Variants in PARD3B observed in about 807,000 individuals in gnomAD.
The protein encoded by PARD3B is par-3 family cell polarity regulator beta.
A neutral mutation model predicts 130.2 loss-of-function variants in PARD3B; 103 were observed. The observed-to-expected ratio is 0.79, with a 90% CI of 0.67 to 0.93. The LOEUF (loss-of-function observed/expected upper bound fraction) is 0.93. Among genes scored for constraint, PARD3B ranks in the 40% least tolerant of loss-of-function variants. The pLI is 0.00. For missense variants in PARD3B, 1,609 were observed against 1,499.2 expected (o/e 1.07, Z -1.21); for synonymous variants, 583 against 553.2 (o/e 1.05, Z -0.76).
At chr2:205,599,736 A>C (rs1438786781) in intron 22 of PARD3B, among the ~76,000 whole-genome samples, 1 of 152,180 alleles carries the variant, frequency 6.6e-6, no homozygotes, top group African/African-American at 2.4e-5. Context: ...TTCAGGTTCC[A>C]GTCACGTATG....
At chr2:205,259,595 C>A (rs2040223865) in intron 16 of PARD3B, among the ~76,000 whole-genome samples, 1 of 152,084 alleles carries the variant, frequency 6.6e-6, no homozygotes, top group Admixed American at 6.6e-5. Flanking sequence ...GGCTTTATAT[C>A]AATGTTTTTT....
chr2:204,679,471 A>G (rs971943877), intron 1 of PARD3B, among the ~76,000 whole-genome samples: 2 of 152,146 alleles, frequency 1.3e-5, no homozygotes, highest in African/African-American at 4.8e-5. Flanking sequence ...GTTGCTTTGT[A>G]TTCTCACAAT....
At position 205,253,464 on chromosome 2, in the gene PARD3B, G is replaced by A; in HGVS notation, c.2185+7642G>A. ...GCCAGTATGGATCACCTTGTGGATG[G>A]ATGCAAAGAGACCAAACTTGGCGGG... On this transcript the variant is annotated intron_variant, in intron 16 of 22. Transcript: ENST00000406610. This position sits in a 1 kb window ranked among gnomAD's most constrained non-coding sequence, Gnocchi z 4.4. 3.6e-6 allele frequency: 2 copies of A among 560,836 alleles called. No individual in the cohort carries two copies. The allele number at this position is 560,836 out of a possible 1,614,324, so 34.7% of individuals were successfully genotyped here.
intron 16 of PARD3B, among the ~76,000 whole-genome samples, chr2:205,277,918 C>A (rs905758484): frequency 2.6e-5 from 4 of 152,012 alleles, no homozygotes; most frequent in African/African-American, 2.4e-5. Context: ...CAGTATTGAG[C>A]TGAGAGTTAA....
In PARD3B at chr2:205,500,002, G is replaced by A. The variant is rs1441794527; in HGVS notation, c.3151G>A (p.Ala1051Thr). The A allele has an allele frequency of 2.5e-6, 4 of 1,613,748 alleles. No homozygotes were observed. Among genetic ancestry groups the A allele is most frequent in the Admixed American group, 1.7e-5 (1 of 59,978 alleles). Residue 1051 changes from alanine (A) to threonine (T), a missense_variant, in exon 21 of 23, where the codon GCA becomes ACA. Transcript: ENST00000406610. ...FPLYEDDEGRARPSEYDLLWV... is the reference protein window; with the variant it reads ...FPLYEDDEGRTRPSEYDLLWV... ...TTTATATGAAGACGACGAAGGAAGA[G>A]CAAGGCCATCTGAGTATGACCTACT...
intron 3 of PARD3B, among the ~76,000 whole-genome samples, chr2:204,981,291 TATCA>T (rs1367237014): frequency 6.6e-6 from 1 of 152,180 alleles, no homozygotes; most frequent in Non-Finnish European, 1.5e-5. Context: ...TCCCTATTCA[TATCA>T]ATCTCAAATT....
chr2:204,729,844 TTATC>T (rs1162648680), intron 2 of PARD3B, among the ~76,000 whole-genome samples: 2 of 152,172 alleles, frequency 1.3e-5, no homozygotes, highest in African/African-American at 4.8e-5. Flanking sequence ...AATTTTTTGT[TTATC>T]TATTTTAACT....
Position 205,380,837 on chromosome 2 carries a change from A to C in PARD3B, c.2631-20176A>C, listed in dbSNP as rs1360838724. Among the ~76,000 whole-genome samples the C allele has an allele frequency of 1.7e-4, 15 of 85,896 alleles. 1 individual carries two copies. The highest frequency in any genetic ancestry group is 2.7e-4 in the Non-Finnish European group (14 of 52,198). 56.4% of individuals were successfully genotyped at this position (85,896 alleles called of 152,430 possible). ...ATATTATATATTATATAAAGAATAC[A>C]TTATAATATAAAGAATACATTATAT... On this transcript the variant is annotated intron_variant, in intron 18 of 22. Transcript: ENST00000406610.
intron 1 of PARD3B, among the ~76,000 whole-genome samples, chr2:204,573,100 C>T (rs973754604): frequency 5.9e-5 from 9 of 152,312 alleles, no homozygotes; most frequent in African/African-American, 2.2e-4. Context: ...CTATACCATT[C>T]AATCCATCTG....
At chr2:205,027,978 T>G (rs1021473621) in intron 3 of PARD3B, among the ~76,000 whole-genome samples, 1 of 152,172 alleles carries the variant, frequency 6.6e-6, no homozygotes, top group African/African-American at 2.4e-5. Context: ...TATGTACTTT[T>G]GTAATACAGT....
intron 2 of PARD3B, among the ~76,000 whole-genome samples, chr2:204,730,373 A>G (rs984078579): frequency 2.0e-5 from 3 of 152,038 alleles, no homozygotes; most frequent in African/African-American, 7.2e-5. Flanking sequence ...CCAGCCTTAC[A>G]TAGTTAATTT....
chr2:205,176,513 T>C lies in PARD3B; in HGVS notation c.1860T>C (p.Ser620=), dbSNP rs983017310. 6.2e-7 allele frequency: 1 copy of C among 1,612,916 alleles called. No individual in the cohort carries two copies. The highest frequency in any genetic ancestry group is 8.5e-7 in the Non-Finnish European group (1 of 1,179,110). Residue 620 remains serine, a synonymous_variant, in exon 13 of 23, where the codon TCT becomes TCC. Coordinates refer to ENST00000406610, the MANE Select transcript of PARD3B (RefSeq NM_001302769.2). The surrounding 1 kb of genome is among the most constrained non-coding windows in gnomAD (Gnocchi z 5.3). ...ACTGTCAAAATGCTGTAACCACCTC[T>C]AGGCGAAATGATAATAGTATCCTGC... ...FENCQNAVTT[S]RRNDNSILHP...
At chr2:204,883,668 A>T (rs558969105) in intron 2 of PARD3B, among the ~76,000 whole-genome samples, 2 of 150,856 alleles carry the variant, frequency 1.3e-5, no homozygotes, top group South Asian at 4.2e-4. Flanking sequence ...CTGGTCTCGA[A>T]CTCCTAACCT....
At chr2:205,014,850 T>A (rs1288376677) in intron 3 of PARD3B, among the ~76,000 whole-genome samples, 1 of 152,238 alleles carries the variant, frequency 6.6e-6, no homozygotes, top group Non-Finnish European at 1.5e-5. Context: ...AAGTGAAATT[T>A]AAGCTGAGGA....
chr2:205,169,966 T>C (rs752477870), intron 11 of PARD3B, among the ~76,000 whole-genome samples: 3 of 151,586 alleles, frequency 2.0e-5, no homozygotes, highest in Non-Finnish European at 4.4e-5. Flanking sequence ...GTTTCGCTAT[T>C]GTTGCCCAGG....
intron 2 of PARD3B, among the ~76,000 whole-genome samples, chr2:204,804,012 G>C (rs2042672646): frequency 6.6e-6 from 1 of 152,116 alleles, no homozygotes; most frequent in African/African-American, 2.4e-5. Context: ...CCAGGAGTTT[G>C]AGACTAGTCT....
At chr2:204,780,755 C>A (rs946258983) in intron 2 of PARD3B, among the ~76,000 whole-genome samples, 6 of 151,942 alleles carry the variant, frequency 3.9e-5, no homozygotes, top group African/African-American at 9.7e-5. Context: ...TTACAGAGAC[C>A]AGTATTGACA....
At chr2:204,915,824 A>T (rs1010754923) in intron 2 of PARD3B, among the ~76,000 whole-genome samples, 1 of 152,216 alleles carries the variant, frequency 6.6e-6, no homozygotes, top group African/African-American at 2.4e-5. Flanking sequence ...CATATTAATG[A>T]CATCAGACAA....
chr2:205,052,419 G>GTGTATATATATATATATATA (rs1467760914), intron 4 of PARD3B, among the ~76,000 whole-genome samples: 5 of 39,770 alleles, frequency 1.3e-4, no homozygotes, highest in African/African-American at 3.7e-4. Flanking sequence ...ATATATATAT[G>GTGTATATATATATATATATA]TATATATATA....
Sources: gnomAD v4.1 joint callset for allele counts (sites outside exome capture counted in the v4.1 genomes callset) on GRCh38, gnomAD v4.1.1 for gene constraint, Gnocchi (gnomAD v3.1) non-coding constraint, MANE v1.5 for transcripts, NCBI Gene and HGNC (gene_info 2026-07-23, HGNC 2026-07-21) for gene names.